Variants in TMEM132B observed in about 807,000 individuals in gnomAD.
TMEM132B encodes transmembrane protein 132B.
A neutral mutation model predicts 90.8 loss-of-function variants in TMEM132B; 18 were observed. The observed-to-expected ratio is 0.20, with a 90% CI of 0.14 to 0.29. The LOEUF is 0.29. TMEM132B is among the 10% of genes least tolerant of loss of function. TMEM132B has a pLI of 1.00. For missense variants in TMEM132B, 1,096 were observed against 1,326.8 expected (o/e 0.83, Z 2.70); for synonymous variants, 504 against 523.3 (o/e 0.96, Z 0.50).
intron 4 of TMEM132B, among the ~76,000 whole-genome samples, chr12:125,545,536 C>A (rs188203826): frequency 1.3e-5 from 2 of 152,292 alleles, no homozygotes; most frequent in East Asian, 3.9e-4. Flanking sequence ...CACACAGACA[C>A]GAGATTTGGT....
chr12:125,660,473 G>A lies in TMEM132B; in HGVS notation c.*5763G>A, dbSNP rs1281382982. ...TTTGGTATTGAAATCCTTAATGCCTGTTAGTTTCTTTATGGTTTTATACAA... is the reference window on the plus strand; with the variant it reads ...TTTGGTATTGAAATCCTTAATGCCTATTAGTTTCTTTATGGTTTTATACAA... On this transcript the variant is annotated 3_prime_UTR_variant, in exon 9 of 9. Transcript: ENST00000682704. The A allele has an allele frequency of 2.0e-5, 3 of 152,030 alleles. No homozygotes were observed. The highest frequency in any genetic ancestry group is 7.2e-5 in the African/African-American group (3 of 41,382). The allele number at this position is 152,030 out of a possible 1,614,324, so 9.4% of individuals were successfully genotyped here. A position where few individuals can be genotyped will look rare whatever the true frequency, so the allele number is the denominator to read the frequency against.
At chr12:125,622,624 T>C in intron 5 of TMEM132B, 1 of 985,422 alleles carries the variant, frequency 1.0e-6, no homozygotes, top group Non-Finnish European at 1.2e-6. Flanking sequence ...ATCTCCACTT[T>C]GAGTGTGAGT....
intron 1 of TMEM132B, among the ~76,000 whole-genome samples, chr12:125,297,213 G>C (rs965072266): frequency 6.6e-6 from 1 of 152,218 alleles, no homozygotes; most frequent in Non-Finnish European, 1.5e-5. Context: ...GATGGGAGGA[G>C]GAGGGAGCCT....
Position 125,462,180 on chromosome 12 carries a change from G to A in TMEM132B, c.1106+46503G>A, listed in dbSNP as rs974173875. ...TTAATCAGAATAAAGGGAATAGATC[G>A]CAGGTTGACTAAAATCATATATGTC... On this transcript the variant is annotated intron_variant, in intron 3 of 8. Transcript: ENST00000682704. Among the ~76,000 whole-genome samples the A allele has an allele frequency of 3.3e-5, 5 of 152,298 alleles. No individual in the cohort carries two copies. The South Asian group carries it at 1.0e-3, about 32-fold the overall frequency.
chr12:125,316,889 G>A (rs1332797789), intron 1 of TMEM132B, among the ~76,000 whole-genome samples: 1 of 152,166 alleles, frequency 6.6e-6, no homozygotes, highest in Non-Finnish European at 1.5e-5. Flanking sequence ...AGGGCAGGAG[G>A]CCTGATGTGA....
At chr12:125,366,043 C>A (rs1338773052) in intron 2 of TMEM132B, among the ~76,000 whole-genome samples, 2 of 152,188 alleles carry the variant, frequency 1.3e-5, no homozygotes, top group Admixed American at 6.6e-5. Flanking sequence ...CCTCTGGGAA[C>A]CTTCATTCTA....
intron 4 of TMEM132B, among the ~76,000 whole-genome samples, chr12:125,549,059 G>A (rs560732842): frequency 6.6e-6 from 1 of 152,302 alleles, no homozygotes; most frequent in Admixed American, 6.5e-5. Flanking sequence ...GTTGCCTTTA[G>A]CAAGGGAAAT....
intron 4 of TMEM132B, among the ~76,000 whole-genome samples, chr12:125,529,233 C>T (rs1385010440): frequency 6.6e-6 from 1 of 152,042 alleles, no homozygotes; most frequent in Non-Finnish European, 1.5e-5. Context: ...CACAGGCATG[C>T]CACCATGCCT....
intron 3 of TMEM132B, among the ~76,000 whole-genome samples, chr12:125,505,173 A>AC (rs1882807252): frequency 1.7e-5 from 2 of 118,660 alleles, no homozygotes; most frequent in African/African-American, 7.0e-5. Context: ...GGACAAAAAA[A>AC]AAAAAAAAAA....
At chr12:125,361,309 C>T (rs967016931) in intron 2 of TMEM132B, among the ~76,000 whole-genome samples, 1 of 152,128 alleles carries the variant, frequency 6.6e-6, no homozygotes, top group Non-Finnish European at 1.5e-5. Context: ...AAGTCACTTG[C>T]CCAAGGGTCA....
intron 1 of TMEM132B, among the ~76,000 whole-genome samples, chr12:125,334,104 T>G (rs1276645938): frequency 2.0e-5 from 3 of 152,328 alleles, no homozygotes; most frequent in African/African-American, 7.2e-5. Context: ...TACTTGCTAT[T>G]TAAGGCCATT....
At chr12:125,396,399 C>T (rs1879170663) in intron 2 of TMEM132B, among the ~76,000 whole-genome samples, 1 of 152,216 alleles carries the variant, frequency 6.6e-6, no homozygotes, top group African/African-American at 2.4e-5. Flanking sequence ...ACATCATCAT[C>T]GTGAACACTG....
At chr12:125,434,785 G>A (rs554198561) in intron 3 of TMEM132B, among the ~76,000 whole-genome samples, 1 of 152,264 alleles carries the variant, frequency 6.6e-6, no homozygotes, top group African/African-American at 2.4e-5. Context: ...CTTTGCTTGG[G>A]TAACCAATTC....
At chr12:125,338,396 C>T (rs1382319513) in intron 1 of TMEM132B, among the ~76,000 whole-genome samples, 6 of 152,210 alleles carry the variant, frequency 3.9e-5, no homozygotes, top group South Asian at 2.1e-4. Flanking sequence ...CCAACACCCA[C>T]ACTTGGATGC....
intron 5 of TMEM132B, among the ~76,000 whole-genome samples, chr12:125,623,614 G>T (rs1886163973): frequency 6.6e-6 from 1 of 152,130 alleles, no homozygotes; most frequent in African/African-American, 2.4e-5. Context: ...CCTTCTTGTA[G>T]TTGGGTTGGG....
intron 1 of TMEM132B, among the ~76,000 whole-genome samples, chr12:125,308,355 G>A (rs1242094385): frequency 6.6e-6 from 1 of 151,994 alleles, no homozygotes; most frequent in East Asian, 1.9e-4. Flanking sequence ...ATATTGTTCT[G>A]GAATATGGAA....
chr12:125,255,793 C>T (rs1438632634), intron 1 of TMEM132B, among the ~76,000 whole-genome samples: 2 of 152,072 alleles, frequency 1.3e-5, no homozygotes, highest in East Asian at 1.9e-4. Context: ...TGAGGGAAAA[C>T]GACATCTTTC....
intron 1 of TMEM132B, among the ~76,000 whole-genome samples, chr12:125,259,649 T>C (rs1272830790): frequency 6.6e-6 from 1 of 152,152 alleles, no homozygotes; most frequent in Admixed American, 6.6e-5. Context: ...CGGGGACTCG[T>C]CGGCAGTGGC....
At chr12:125,591,690 G>A (rs1195260740) in intron 5 of TMEM132B, among the ~76,000 whole-genome samples, 1 of 152,170 alleles carries the variant, frequency 6.6e-6, no homozygotes, top group African/African-American at 2.4e-5. Context: ...AAAGGCTCTA[G>A]AGGAGAATCG....
Sources: allele counts gnomAD v4.1 joint callset (sites outside exome capture counted in the v4.1 genomes callset), GRCh38; gene constraint gnomAD v4.1.1; transcripts MANE v1.5; gene names NCBI Gene and HGNC (gene_info 2026-07-23, HGNC 2026-07-21).